Variants in NIPA1 observed in about 807,000 individuals in gnomAD.
The protein encoded by NIPA1 is NIPA magnesium transporter 1, also known as magnesium transporter NIPA1.
A neutral mutation model predicts 23.9 loss-of-function variants in NIPA1; 13 were observed. The observed-to-expected ratio is 0.54, with a 90% CI of 0.35 to 0.87. The LOEUF is 0.87. NIPA1 is among the 40% of genes least tolerant of loss of function. The probability of loss-of-function intolerance (pLI) is 0.01; values close to 1 mark genes in which losing one functional copy is unlikely to be tolerated. For synonymous variants in NIPA1, 234 were observed against 202.9 expected (o/e 1.15, Z -1.30); for missense variants, 362 against 429.7 (o/e 0.84, Z 1.39).
At chr15:22,820,948 T>G (rs1895525414) in intron 4 of NIPA1, among the ~76,000 whole-genome samples, 1 of 152,082 alleles carries the variant, frequency 6.6e-6, no homozygotes, top group African/African-American at 2.4e-5. Context: ...TAGCCCTGTT[T>G]ATATATCTTT....
At chr15:22,820,743 G>A (rs1436762232) in intron 4 of NIPA1, among the ~76,000 whole-genome samples, 1 of 152,052 alleles carries the variant, frequency 6.6e-6, no homozygotes, top group African/African-American at 2.4e-5. Context: ...CTGGGGCCTT[G>A]TGCATGGGCG....
At chr15:22,822,352 G>A (rs916004190) in intron 4 of NIPA1, among the ~76,000 whole-genome samples, 1 of 152,068 alleles carries the variant, frequency 6.6e-6, no homozygotes, top group Non-Finnish European at 1.5e-5. Context: ...TTTTTGATGG[G>A]GGTGGGGGTT....
Position 22,812,612 on chromosome 15 carries a change from C to T in NIPA1, c.317+359C>T, listed in dbSNP as rs1895342028. ...AGGTTGCAGTGAGTTGAGATGGCACCACAGCACTCCAGCCTGGGAGACAGA... is the reference window on the plus strand; with the variant it reads ...AGGTTGCAGTGAGTTGAGATGGCACTACAGCACTCCAGCCTGGGAGACAGA... On this transcript the variant is annotated intron_variant, in intron 3 of 4. Transcript: ENST00000337435. Among the ~76,000 whole-genome samples the T allele has an allele frequency of 2.6e-5, 4 of 151,610 alleles. 1 individual carries two copies. The South Asian group carries it at 8.3e-4, about 32-fold the overall frequency.
At chr15:22,797,126 G>A (rs1186461695) in intron 1 of NIPA1, among the ~76,000 whole-genome samples, 1 of 150,474 alleles carries the variant, frequency 6.6e-6, no homozygotes, top group Admixed American at 6.7e-5. Flanking sequence ...TGCAACTTCC[G>A]CCTCCCAGGT....
chr15:22,812,188 C>T lies in NIPA1; in HGVS notation c.252C>T (p.Phe84=), dbSNP rs1895331021. The T allele has an allele frequency of 6.2e-7, 1 of 1,613,534 alleles. No individual in the cohort carries two copies. Among genetic ancestry groups the T allele is most frequent in the Non-Finnish European group, 8.5e-7 (1 of 1,179,726 alleles). ...TGGCTGTTGGCCAGATTGGAAACTT[C>T]CTGGCTTACACGGCGGTCCCCACGG... The part of the protein sequence containing the change: ...IAMAVGQIGN[F]LAYTAVPTVL... The change falls in exon 3 of 5, where the codon TTC becomes TTT. Residue 84 remains phenylalanine (F), a synonymous_variant. Coordinates refer to ENST00000337435, the MANE Select transcript of NIPA1 (RefSeq NM_144599.5).
chr15:22,807,205 A>G (rs983618274), intron 1 of NIPA1, among the ~76,000 whole-genome samples: 3 of 152,142 alleles, frequency 2.0e-5, no homozygotes, highest in African/African-American at 4.8e-5. Context: ...GTTCCTCCTC[A>G]TTTTGTGACT....
At chr15:22,800,999 G>A (rs866967033) in intron 1 of NIPA1, among the ~76,000 whole-genome samples, 3 of 151,616 alleles carry the variant, frequency 2.0e-5, no homozygotes, top group Non-Finnish European at 4.4e-5. Context: ...CCAGCTACTC[G>A]GGAGGCTGAG....
chr15:22,821,131 T>A (rs1325626232), intron 4 of NIPA1, among the ~76,000 whole-genome samples: 2 of 151,790 alleles, frequency 1.3e-5, no homozygotes, highest in African/African-American at 4.8e-5. Context: ...GCCCGGCTAA[T>A]TTTTTTTGTA....
intron 1 of NIPA1, among the ~76,000 whole-genome samples, chr15:22,800,886 A>G (rs1195742168): frequency 1.3e-5 from 2 of 151,038 alleles, no homozygotes; most frequent in African/African-American, 4.9e-5. Context: ...AGCTGAGATC[A>G]CGCCACTGCA....
chr15:22,812,133 C>T lies in NIPA1; in HGVS notation c.227-30C>T. The T allele has an allele frequency of 2.6e-6, 4 of 1,522,770 alleles. No homozygotes were observed. In the Admixed American group the frequency reaches 5.1e-5, roughly 19 times the overall value. 94.3% of individuals were successfully genotyped at this position (1,522,770 alleles called of 1,614,324 possible). A position where few individuals can be genotyped will look rare whatever the true frequency, so the allele number is the denominator to read the frequency against. On this transcript the variant is annotated intron_variant, in intron 2 of 4. Coordinates refer to ENST00000337435, the MANE Select transcript of NIPA1 (RefSeq NM_144599.5). ...GTGCTGGAAGAGAGCTCTGTAATTG[C>T]AAGTAGTATCCTTGTGATTTTCTTG...
intron 1 of NIPA1, among the ~76,000 whole-genome samples, chr15:22,789,085 C>T (rs944930274): frequency 2.0e-5 from 3 of 151,410 alleles, no homozygotes; most frequent in Admixed American, 6.6e-5. Context: ...CTCTGCCTCC[C>T]GGGTTCAAGC....
intron 1 of NIPA1, among the ~76,000 whole-genome samples, chr15:22,797,242 C>T (rs1417096089): frequency 6.6e-6 from 1 of 150,984 alleles, no homozygotes; most frequent in Admixed American, 6.6e-5. Context: ...CGGAGTCTCG[C>T]TCTGTTGCCC....
chr15:22,814,539 G>A (rs1895378826), intron 3 of NIPA1, among the ~76,000 whole-genome samples: 1 of 151,974 alleles, frequency 6.6e-6, no homozygotes, highest in African/African-American at 2.4e-5. Flanking sequence ...AAGCAGTTCT[G>A]TTCTTGATAA....
At chr15:22,799,312 T>C (rs1278235163) in intron 1 of NIPA1, among the ~76,000 whole-genome samples, 2 of 152,026 alleles carry the variant, frequency 1.3e-5, no homozygotes, top group Non-Finnish European at 2.9e-5. Flanking sequence ...TTATCCTAAC[T>C]CACAGAAAAT....
chr15:22,787,809 G>A (rs778996917), intron 1 of NIPA1, among the ~76,000 whole-genome samples: 34 of 152,132 alleles, frequency 2.2e-4, no homozygotes, highest in Non-Finnish European at 5.9e-5. Flanking sequence ...TTTACATGGC[G>A]GAATGCAGGT....
In NIPA1 at chr15:22,817,281, C is replaced by T. The variant is rs186257636; in HGVS notation, c.318-3032C>T. On this transcript the variant is annotated intron_variant, in intron 3 of 4. Transcript: ENST00000337435. ...TTGGGAGGCTGAGGTGGGTGGATCA[C>T]CTGAGGTAAGGAGTTCGAGATCAGC... Among the ~76,000 whole-genome samples, 499 of 150,540 alleles carry T rather than the reference C, an allele frequency of 3.3e-3. 2 individuals carry two copies. Among genetic ancestry groups the T allele is most frequent in the Admixed American group, 5.3e-3 (80 of 15,062 alleles).
rs778440939 is a variant in NIPA1 at position 22,824,022 on chromosome 15, C to T, written c.773C>T (p.Ser258Leu). 1.2e-5 allele frequency: 20 copies of T among 1,614,076 alleles called. No homozygotes were observed. Among genetic ancestry groups the T allele is most frequent in the East Asian group, 4.5e-5 (2 of 44,868 alleles). Residue 258 changes from serine (S) to leucine (L), a missense_variant, in exon 5 of 5, where the codon TCG becomes TTG. By Grantham distance (145) the Ser-to-Leu change is moderately radical (BLOSUM62 -2). Around this residue, in one of 2 missense-constraint regions of NIPA1, gnomAD observed 277 missense variants for 372.0 expected, o/e 0.74. Coordinates refer to ENST00000337435, the MANE Select transcript of NIPA1 (RefSeq NM_144599.5). This position sits in a 1 kb window ranked among gnomAD's most constrained non-coding sequence, Gnocchi z 4.1. ...AAGGCGCTGGAGTGCTTCGACTCCT[C>T]GGTGTTCGGGGCCATCTACTACGTC... ...INKALECFDSSVFGAIYYVVF... is the reference protein window; with the variant it reads ...INKALECFDSLVFGAIYYVVF...
chr15:22,814,125 A>G (rs1471116740), intron 3 of NIPA1: 8 of 1,266,790 alleles, frequency 6.3e-6, no homozygotes, highest in Non-Finnish European at 8.2e-6. Flanking sequence ...TGTTCTGGAT[A>G]AAAAGCCTGT....
rs571793496 is a variant in NIPA1, at chr15:22,805,462, G to A, written c.179-5287G>A. ...AGCACTTTGGGAGGCCGAGGTGAGC[G>A]GATCACCTGAGGTCAGGAGTACAAG... On this transcript the variant is annotated intron_variant, in intron 1 of 4. Coordinates refer to ENST00000337435, the MANE Select transcript of NIPA1 (RefSeq NM_144599.5). Among the ~76,000 whole-genome samples the A allele has an allele frequency of 3.3e-4, 50 of 152,192 alleles. No individual in the cohort carries two copies. In the South Asian group the frequency reaches 3.3e-3, roughly 10 times the overall value.
Sources: allele counts gnomAD v4.1 joint callset (sites outside exome capture counted in the v4.1 genomes callset), GRCh38; gene constraint gnomAD v4.1.1; regional missense constraint gnomAD v4.1.1; non-coding constraint Gnocchi (gnomAD v3.1); transcripts MANE v1.5; gene names NCBI Gene and HGNC (gene_info 2026-07-23, HGNC 2026-07-21).